Variants in UGT2B7 observed in about 807,000 individuals in gnomAD.
UGT2B7 encodes the protein UDP-glucuronosyltransferase 2B7.
UGT2B7 carries 51 observed loss-of-function variants against 51.9 expected under a neutral mutation model. The ratio of observed to expected loss-of-function variants is 0.98; its 90% CI spans 0.78 to 1.24. UGT2B7 has a LOEUF of 1.24. Among genes scored for constraint, UGT2B7 ranks in the 50% most tolerant of loss-of-function variants. The pLI is 0.00. For missense variants in UGT2B7, 727 were observed against 628.4 expected (o/e 1.16, Z -1.68); for synonymous variants, 225 against 211.6 (o/e 1.06, Z -0.55).
intron 2 of UGT2B7, 49 bp from the exon 3 acceptor site, chr4:69,102,758 C>G (rs1004060702): frequency 6.3e-7 from 1 of 1,584,818 alleles, no homozygotes; most frequent in East Asian, 2.3e-5. Flanking sequence ...TTTGGTAGTG[C>G]CCGCTGTGCT....
intron 1 of UGT2B7, among the ~76,000 whole-genome samples, chr4:69,057,728 G>A (rs1261834039): frequency 6.6e-6 from 1 of 152,174 alleles, no homozygotes; most frequent in African/African-American, 2.4e-5. Flanking sequence ...GGAAATGGGA[G>A]GAAAATCCTC....
chr4:69,063,952 A>G (rs1718414129), intron 1 of UGT2B7, among the ~76,000 whole-genome samples: 1 of 151,648 alleles, frequency 6.6e-6, no homozygotes, highest in African/African-American at 2.4e-5. Context: ...GTAATGAGGA[A>G]TTAAATGATA....
chr4:69,057,882 G>A (rs1401730747), intron 1 of UGT2B7, among the ~76,000 whole-genome samples: 10 of 152,190 alleles, frequency 6.6e-5, no homozygotes. Context: ...GTGTTGGCTG[G>A]CTGGCCAAAT....
intron 1 of UGT2B7, among the ~76,000 whole-genome samples, chr4:69,082,025 C>T (rs960554757): frequency 2.0e-5 from 3 of 151,960 alleles, no homozygotes; most frequent in East Asian, 1.9e-4. Flanking sequence ...CAAGGTTTTT[C>T]GCTACTATTA....
chr4:69,059,307 C>CA (rs1340608157), intron 1 of UGT2B7, among the ~76,000 whole-genome samples: 5 of 152,146 alleles, frequency 3.3e-5, no homozygotes, highest in Non-Finnish European at 7.3e-5. Context: ...ATCGGTTGGT[C>CA]AAAGAGGTGT....
intron 1 of UGT2B7, among the ~76,000 whole-genome samples, chr4:69,081,253 TGTA>T (rs1560504155): frequency 6.6e-6 from 1 of 152,168 alleles, no homozygotes; most frequent in African/African-American, 2.4e-5. Flanking sequence ...CAGCATCAGA[TGTA>T]GTCAGTAATC....
chr4:69,079,235 A>G (rs148413165), intron 1 of UGT2B7, among the ~76,000 whole-genome samples: 2 of 152,328 alleles, frequency 1.3e-5, no homozygotes, highest in Admixed American at 6.5e-5. Context: ...CTTCTGCTGC[A>G]TTCAGACAGA....
chr4:69,087,561 T>C (rs1225549659), intron 1 of UGT2B7, among the ~76,000 whole-genome samples: 1 of 152,024 alleles, frequency 6.6e-6, no homozygotes, highest in East Asian at 1.9e-4. Flanking sequence ...TCTTATTACA[T>C]GTGAGTGTCC....
rs188574224 is a variant in UGT2B7, at chr4:69,068,862, C to T, written c.-159+17260C>T. ...CTATTAGTCCATAATTATTTCAAAA[C>T]TAGAAACAAATGGAACTACAATGCC... is the stretch of plus-strand genomic sequence containing the variant. On this transcript the variant is annotated intron_variant, in intron 1 of 5. Coordinates refer to the UGT2B7 transcript ENST00000502942. Among the ~76,000 whole-genome samples, 217 of 151,986 alleles carry T rather than the reference C, an allele frequency of 1.4e-3. 3 individuals carry two copies. Among genetic ancestry groups the T allele is most frequent in the South Asian group, 3.9e-3 (19 of 4,826 alleles).
At chr4:69,112,404 G>A (rs921709438) in intron 5 of UGT2B7, 53 bp from the exon 6 acceptor site, 2 of 1,575,024 alleles carry the variant, frequency 1.3e-6, no homozygotes, top group Non-Finnish European at 1.7e-6. Context: ...TGTCTGAGGG[G>A]TTTTGTCTGT....
chr4:69,073,115 G>A (rs1174389892), intron 1 of UGT2B7, among the ~76,000 whole-genome samples: 1 of 152,100 alleles, frequency 6.6e-6, no homozygotes, highest in Non-Finnish European at 1.5e-5. Flanking sequence ...GATTTCAGTA[G>A]TAGCTAGCTC....
intron 1 of UGT2B7, among the ~76,000 whole-genome samples, chr4:69,073,857 T>G (rs1035498910): frequency 2.0e-5 from 3 of 152,208 alleles, no homozygotes; most frequent in Non-Finnish European, 4.4e-5. Flanking sequence ...ATTCCTCTTT[T>G]GGGCTCTATC....
Position 69,096,732 on chromosome 4 carries a change from C to G in UGT2B7, c.212C>G (p.Ala71Gly). 6.2e-7 allele frequency: 1 copy of G among 1,613,986 alleles called. No individual in the cohort carries two copies. Among genetic ancestry groups the G allele is most frequent in the Non-Finnish European group, 8.5e-7 (1 of 1,179,922 alleles). Reference protein sequence around the residue: ...SILFDPNNSSALKIEIYPTSL... With the variant: ...SILFDPNNSSGLKIEIYPTSL... ...CTTTTTGATCCCAACAACTCATCCG[C>G]TCTTAAAATTGAAATTTATCCCACA... The change falls in exon 1 of 6, where the codon GCT (alanine) becomes GGT (glycine). Residue 71 changes from alanine to glycine, a missense_variant. Physicochemically the swap from Ala to Gly is moderately conservative, Grantham distance 60 (BLOSUM62 0). Transcript: ENST00000305231.
At chr4:69,054,766 C>T (rs969635045) in intron 1 of UGT2B7, among the ~76,000 whole-genome samples, 33 of 152,186 alleles carry the variant, frequency 2.2e-4, no homozygotes, top group African/African-American at 6.7e-4. Context: ...GGTCCACGCA[C>T]GGCTGAAGCA....
At chr4:69,052,623 T>C (rs1373283489) in intron 1 of UGT2B7, among the ~76,000 whole-genome samples, 3 of 138,488 alleles carry the variant, frequency 2.2e-5, no homozygotes, top group Non-Finnish European at 4.8e-5. Context: ...GTAAAAAGAG[T>C]GTTATATGGT....
At position 69,060,470 on chromosome 4, in the gene UGT2B7, A is replaced by C. The variant is rs148329406; in HGVS notation, c.-159+8868A>C. On this transcript the variant is annotated intron_variant, in intron 1 of 5. Coordinates refer to the UGT2B7 transcript ENST00000502942. ...GAGCTCCTCCTCTGGGAGGCTGACCAGGAGAAGGCCTTTAAGGAAATCAAA... is the reference window on the plus strand; with the variant it reads ...GAGCTCCTCCTCTGGGAGGCTGACCCGGAGAAGGCCTTTAAGGAAATCAAA... 6.8e-3 allele frequency among the ~76,000 whole-genome samples: 1,034 copies of C among 152,324 alleles called. 8 individuals are homozygous for C. Among genetic ancestry groups the C allele is most frequent in the Non-Finnish European group, 0.011 (779 of 68,022 alleles).
At chr4:69,055,955 A>G (rs750486091) in intron 1 of UGT2B7, among the ~76,000 whole-genome samples, 5 of 152,216 alleles carry the variant, frequency 3.3e-5, no homozygotes, top group Non-Finnish European at 5.9e-5. Flanking sequence ...GTAAATTTCC[A>G]AAGTTGCATA....
intron 1 of UGT2B7, among the ~76,000 whole-genome samples, chr4:69,060,948 T>C (rs776064631): frequency 6.6e-6 from 1 of 152,134 alleles, no homozygotes; most frequent in Non-Finnish European, 1.5e-5. Context: ...GCTGAGTGGA[T>C]GTGGTAGATG....
chr4:69,056,910 T>C, intron 1 of UGT2B7, among the ~76,000 whole-genome samples: 1 of 152,182 alleles, frequency 6.6e-6, no homozygotes, highest in African/African-American at 2.4e-5. Flanking sequence ...TTATCCTCAG[T>C]ACCTGTTTTA....
Sources: allele counts gnomAD v4.1 joint callset (sites outside exome capture counted in the v4.1 genomes callset), GRCh38; gene constraint gnomAD v4.1.1; transcripts MANE v1.5; gene names NCBI Gene and HGNC (gene_info 2026-07-23, HGNC 2026-07-21).